The following CEP126 variants were observed in gnomAD, a reference collection of about 807,000 sequenced individuals.
The protein encoded by CEP126 is centrosomal protein of 126 kDa.
CEP126 carries 74 observed loss-of-function variants against 107.8 expected under a neutral mutation model. That is an observed-to-expected ratio of 0.69 (90% confidence interval 0.57 to 0.83). The LOEUF is 0.83. Among genes scored for constraint, CEP126 ranks in the 40% least tolerant of loss-of-function variants. The pLI, the probability that CEP126 is intolerant of heterozygous loss-of-function variation, is 0.00. For synonymous variants in CEP126, 449 were observed against 446.0 expected (o/e 1.01, Z -0.08); for missense variants, 1,237 against 1,281.9 (o/e 0.96, Z 0.53).
chr11:101,939,272 CTT>C (rs1263622100), intron 2 of CEP126, among the ~76,000 whole-genome samples: 2 of 152,110 alleles, frequency 1.3e-5, no homozygotes, highest in African/African-American at 2.4e-5. Flanking sequence ...GTTCATACAT[CTT>C]TATAATTTTT....
chr11:101,958,327 T>C lies in CEP126; in HGVS notation c.666T>C (p.Thr222=), dbSNP rs146087434. The C allele has an allele frequency of 6.2e-6, 10 of 1,613,838 alleles. No individual in the cohort carries two copies. Among genetic ancestry groups the C allele is most frequent in the Middle Eastern group, 1.6e-4 (1 of 6,074 alleles). ...KNVFQLKLEE[T]QKLLEDQHLS... is the part of the protein sequence containing the mutation. ...TGTTCCAGCTTAAACTGGAGGAAAC[T>C]CAGAAACTCCTCGAAGATCAACATC... The change falls in exon 5 of 11, where the codon ACT becomes ACC. Residue 222 remains threonine (T), a synonymous_variant. Transcript: ENST00000263468.
chr11:101,967,306 G>A (rs1188142936), intron 6 of CEP126, among the ~76,000 whole-genome samples: 3 of 152,074 alleles, frequency 2.0e-5, no homozygotes, highest in Admixed American at 6.5e-5. Context: ...ATGAGCCACC[G>A]TGCCTGGCCA....
chr11:101,915,155 C>T lies in CEP126; in HGVS notation c.-130C>T. 1 of 1,425,320 alleles carries T rather than the reference C, an allele frequency of 7.0e-7. No individual in the cohort carries two copies. Among genetic ancestry groups the T allele is most frequent in the Non-Finnish European group, 9.5e-7 (1 of 1,053,128 alleles). The allele number at this position is 1,425,320 out of a possible 1,614,324, so 88.3% of individuals were successfully genotyped here. ...CGGGAGCTAGGGCTGTCGAGGCCAACCCTTCCGCGCCCGTGACGCGGGGCC... is the reference window on the plus strand; with the variant it reads ...CGGGAGCTAGGGCTGTCGAGGCCAATCCTTCCGCGCCCGTGACGCGGGGCC... On this transcript the variant is annotated 5_prime_UTR_variant, in exon 1 of 11. Coordinates refer to ENST00000263468, the MANE Select transcript of CEP126 (RefSeq NM_020802.4).
At chr11:101,948,925 G>A (rs1940775295) in intron 4 of CEP126, among the ~76,000 whole-genome samples, 1 of 152,108 alleles carries the variant, frequency 6.6e-6, no homozygotes, top group South Asian at 2.1e-4. Flanking sequence ...TGTGCATAAT[G>A]TTATTCCATT....
chr11:101,930,666 G>C (rs926464202), intron 2 of CEP126, among the ~76,000 whole-genome samples: 1 of 152,160 alleles, frequency 6.6e-6, no homozygotes, highest in Non-Finnish European at 1.5e-5. Context: ...CCATTTTACA[G>C]AGTGCTGATT....
In CEP126 at chr11:101,922,026, C is replaced by G. The variant is rs1043472443; in HGVS notation, c.129-615C>G. 9.9e-5 allele frequency among the ~76,000 whole-genome samples: 15 copies of G among 151,904 alleles called. No individual in the cohort carries two copies. The South Asian group carries it at 2.1e-3, about 21-fold the overall frequency. On this transcript the variant is annotated intron_variant, in intron 1 of 10. Coordinates refer to ENST00000263468, the MANE Select transcript of CEP126 (RefSeq NM_020802.4). Reference sequence around the variant, plus strand: ...TCTCAAACTCCTGACCTCAGGTGATCCACCCGCCTCAGCCTCCCAAAGTGT... The same window carrying G: ...TCTCAAACTCCTGACCTCAGGTGATGCACCCGCCTCAGCCTCCCAAAGTGT...
intron 6 of CEP126, among the ~76,000 whole-genome samples, chr11:101,975,375 C>G (rs1463839617): frequency 6.6e-6 from 1 of 152,070 alleles, no homozygotes; most frequent in Non-Finnish European, 1.5e-5. Flanking sequence ...ACATATGTCT[C>G]CAAGGTCACA....
chr11:101,956,317 C>T (rs774908544), intron 4 of CEP126: 4 of 456,208 alleles, frequency 8.8e-6, no homozygotes, highest in Non-Finnish European at 1.8e-5. Context: ...TGAAGCCTTC[C>T]TGTTTATCCA....
intron 4 of CEP126, among the ~76,000 whole-genome samples, chr11:101,954,819 G>T (rs1047747068): frequency 6.6e-6 from 1 of 152,004 alleles, no homozygotes; most frequent in Non-Finnish European, 1.5e-5. Context: ...ATATAAATAT[G>T]AGATATTGGA....
At chr11:101,922,555 G>A (rs753078809) in intron 1 of CEP126, 86 bp from the exon 2 acceptor site, 26 of 980,780 alleles carry the variant, frequency 2.7e-5, no homozygotes, top group Admixed American at 6.5e-5. Context: ...TCATTTGCAT[G>A]AGGCTGTAGT....
intron 2 of CEP126, among the ~76,000 whole-genome samples, chr11:101,926,198 A>G (rs942249041): frequency 6.6e-6 from 1 of 152,196 alleles, no homozygotes; most frequent in African/African-American, 2.4e-5. Flanking sequence ...ACGAGATTCT[A>G]TGGAAGCACA....
At chr11:101,944,440 C>T (rs776332636) in intron 3 of CEP126, 30 bp downstream of exon 3, 27 of 1,576,820 alleles carry the variant, frequency 1.7e-5, no homozygotes, top group South Asian at 6.0e-5. Context: ...AGTATGAGAA[C>T]ATAAAGTTTT....
intron 10 of CEP126, among the ~76,000 whole-genome samples, chr11:101,993,885 C>T (rs1941413589): frequency 6.6e-6 from 1 of 152,092 alleles, no homozygotes; most frequent in Non-Finnish European, 1.5e-5. Context: ...GTTCTTTGCC[C>T]ACTTTTTAAT....
chr11:101,977,730 C>T (rs1941208855), intron 6 of CEP126, among the ~76,000 whole-genome samples: 2 of 151,864 alleles, frequency 1.3e-5, no homozygotes, highest in African/African-American at 4.8e-5. Context: ...TAGTAGAAGC[C>T]CTACAAAAGT....
chr11:101,923,426 A>T (rs1940361593), intron 2 of CEP126, among the ~76,000 whole-genome samples: 1 of 152,204 alleles, frequency 6.6e-6, no homozygotes, highest in South Asian at 2.1e-4. Flanking sequence ...CAGAGCAGTT[A>T]TGCCATTTTT....
At chr11:101,968,114 G>A (rs1051676882) in intron 6 of CEP126, among the ~76,000 whole-genome samples, 7 of 152,116 alleles carry the variant, frequency 4.6e-5, no homozygotes, top group African/African-American at 1.4e-4. Flanking sequence ...GCCATGAAGG[G>A]TAAGAGCTAT....
intron 2 of CEP126, among the ~76,000 whole-genome samples, chr11:101,942,767 A>G (rs1044160309): frequency 8.6e-5 from 13 of 151,912 alleles, no homozygotes; most frequent in Non-Finnish European, 1.2e-4. Context: ...AGGTCTTTAC[A>G]TTTATTTGCA....
chr11:101,995,340 G>A (rs1046454535), intron 10 of CEP126, among the ~76,000 whole-genome samples: 2 of 152,082 alleles, frequency 1.3e-5, no homozygotes, highest in African/African-American at 2.4e-5. Flanking sequence ...TCTATGTGAA[G>A]CACTAACTTC....
At position 101,963,585 on chromosome 11, in the gene CEP126, G is replaced by A; in HGVS notation, c.2550G>A (p.Leu850=). ...SKHVLPTEHS[L]NQWNQESSSP... ...ATGTGCTTCCAACAGAACACAGTTTGAATCAGTGGAATCAGGAAAGTAGTT... is the reference window on the plus strand; with the variant it reads ...ATGTGCTTCCAACAGAACACAGTTTAAATCAGTGGAATCAGGAAAGTAGTT... Residue 850 remains leucine, a synonymous_variant, in exon 6 of 11, where the codon TTG becomes TTA. Coordinates refer to ENST00000263468, the MANE Select transcript of CEP126 (RefSeq NM_020802.4). The A allele has an allele frequency of 1.9e-6, 3 of 1,614,108 alleles. No homozygotes were observed. The highest frequency in any genetic ancestry group is 2.5e-6 in the Non-Finnish European group (3 of 1,180,018).
Sources: allele counts gnomAD v4.1 joint callset (sites outside exome capture counted in the v4.1 genomes callset), GRCh38; gene constraint gnomAD v4.1.1; transcripts MANE v1.5; gene names NCBI Gene and HGNC (gene_info 2026-07-23, HGNC 2026-07-21).